SPATA22: variants seen among roughly 807,000 people sequenced by gnomAD.
The protein encoded by SPATA22 is spermatogenesis associated 22.
A neutral mutation model predicts 47.8 loss-of-function variants in SPATA22; 29 were observed. The observed-to-expected ratio is 0.61, with a 90% CI of 0.45 to 0.83. The LOEUF is 0.83. SPATA22 is among the 40% of genes least tolerant of loss of function. SPATA22 has a pLI of 0.00. For missense variants in SPATA22, 410 were observed against 421.7 expected (o/e 0.97, Z 0.24); for synonymous variants, 133 against 140.9 (o/e 0.94, Z 0.40).
Position 3,440,122 on chromosome 17 carries a change from A to AT in SPATA22, c.*24dup. 6.9e-7 allele frequency: 1 copy of AT among 1,453,108 alleles called. No individual in the cohort carries two copies. Among genetic ancestry groups the AT allele is most frequent in the Non-Finnish European group, 9.2e-7 (1 of 1,085,462 alleles). The allele number at this position is 1,453,108 out of a possible 1,614,324, so 90.0% of individuals were successfully genotyped here. ...CAATAACAGAAAACTGCTATAATTTATGCTAAACTTCCTTTTATCACTACT... is the reference window on the plus strand; with the variant it reads ...CAATAACAGAAAACTGCTATAATTTATTGCTAAACTTCCTTTTATCACTACT... On this transcript the variant is annotated 3_prime_UTR_variant, in exon 9 of 9. Transcript: ENST00000572969.
chr17:3,473,636 T>G (rs1170134811), upstream of SPATA22, among the ~76,000 whole-genome samples: 2 of 152,110 alleles, frequency 1.3e-5, no homozygotes, highest in Non-Finnish European at 2.9e-5. Flanking sequence ...GTAACTAGGA[T>G]TACAGGCACC....
intron 1 of SPATA22, among the ~76,000 whole-genome samples, chr17:3,482,366 A>C (rs906802613): frequency 5.3e-5 from 8 of 152,176 alleles, no homozygotes; most frequent in Admixed American, 5.2e-4. Context: ...AATCATTTTA[A>C]GGCTCAGAAA....
intron 1 of SPATA22, among the ~76,000 whole-genome samples, chr17:3,477,332 A>G (rs1456908610): frequency 6.6e-6 from 1 of 152,204 alleles, no homozygotes; most frequent in East Asian, 1.9e-4. Context: ...ATTGCATACA[A>G]CGTAAGCAGT....
chr17:3,458,124 G>A (rs1248417983), intron 5 of SPATA22, among the ~76,000 whole-genome samples: 6 of 152,028 alleles, frequency 3.9e-5, no homozygotes, highest in Admixed American at 3.9e-4. Context: ...ACAGAACTCA[G>A]TAACAAAAAA....
At chr17:3,456,597 A>G (rs924726524) in intron 5 of SPATA22, among the ~76,000 whole-genome samples, 6 of 152,342 alleles carry the variant, frequency 3.9e-5, no homozygotes, top group African/African-American at 1.4e-4. Flanking sequence ...AGATGGATTC[A>G]CAGCCGAATT....
chr17:3,493,367 C>T (rs1189498205), intron 1 of SPATA22, among the ~76,000 whole-genome samples: 1 of 152,002 alleles, frequency 6.6e-6, no homozygotes, highest in African/African-American at 2.4e-5. Flanking sequence ...TCGAGACCAT[C>T]CTGGCCAACA....
chr17:3,513,253 T>C (rs1316305416), intron 1 of SPATA22: 1 of 152,656 alleles, frequency 6.6e-6, no homozygotes, highest in East Asian at 1.9e-4. Flanking sequence ...TAAAACCCTG[T>C]GTTAATTCTG....
upstream of SPATA22, among the ~76,000 whole-genome samples, chr17:3,472,625 C>T (rs1204194881): frequency 6.6e-6 from 1 of 152,130 alleles, no homozygotes; most frequent in Non-Finnish European, 1.5e-5. Context: ...GCCATTTATC[C>T]GGAACTTACT....
At chr17:3,462,911 G>T (rs2073161557) in intron 3 of SPATA22, 144 bp from the exon 4 acceptor site, 2 of 645,338 alleles carry the variant, frequency 3.1e-6, no homozygotes, top group Non-Finnish European at 5.5e-6. Context: ...AGTACTTGTT[G>T]GAAAACCTGT....
chr17:3,509,754 ATTG>A (rs2074087397), intron 1 of SPATA22, among the ~76,000 whole-genome samples: 1 of 152,178 alleles, frequency 6.6e-6, no homozygotes, highest in Non-Finnish European at 1.5e-5. Flanking sequence ...GTCTTCCTCA[ATTG>A]TTGAACTAAT....
intron 1 of SPATA22, among the ~76,000 whole-genome samples, chr17:3,487,002 A>C (rs143161374): frequency 3.3e-5 from 5 of 152,206 alleles, no homozygotes; most frequent in East Asian, 1.9e-4. Context: ...TAATCTGAGA[A>C]AGTTAGGAGA....
intron 5 of SPATA22, among the ~76,000 whole-genome samples, chr17:3,460,250 G>T (rs940746418): frequency 6.6e-6 from 1 of 151,926 alleles, no homozygotes; most frequent in African/African-American, 2.4e-5. Flanking sequence ...TTTTCCCATG[G>T]ATAAAGACAT....
At chr17:3,453,369 G>A (rs188354290) in intron 5 of SPATA22, among the ~76,000 whole-genome samples, 141 of 152,032 alleles carry the variant, frequency 9.3e-4, no homozygotes, top group African/African-American at 3.3e-3. Context: ...TTTAACATAC[G>A]CAAATCAATC....
intron 1 of SPATA22, among the ~76,000 whole-genome samples, chr17:3,504,165 C>T (rs2074019889): frequency 6.6e-6 from 1 of 152,184 alleles, no homozygotes. Context: ...CTTCAAAATG[C>T]AACCCAACTT....
intron 8 of SPATA22, chr17:3,441,345 A>T (rs764593225): frequency 6.6e-6 from 1 of 152,010 alleles, no homozygotes; most frequent in Non-Finnish European, 1.5e-5. Flanking sequence ...GACAAATAAG[A>T]GAAGAAAACA....
At chr17:3,513,808 G>A in exon 1 of SPATA22, 2 of 921,838 alleles carry the variant, frequency 2.2e-6, no homozygotes, top group Non-Finnish European at 3.4e-6. Context: ...TCTGCTTCTA[G>A]GCCAGCAGAG....
At chr17:3,455,469 T>C (rs1310265786) in intron 5 of SPATA22, among the ~76,000 whole-genome samples, 1 of 148,138 alleles carries the variant, frequency 6.8e-6, no homozygotes, top group African/African-American at 2.5e-5. Context: ...AATTAATTTT[T>C]GTATAAGGTG....
chr17:3,465,301 G>A (rs2073272872), intron 3 of SPATA22, among the ~76,000 whole-genome samples: 1 of 151,766 alleles, frequency 6.6e-6, no homozygotes, highest in African/African-American at 2.4e-5. Flanking sequence ...ATTGAGAACG[G>A]GCCATGATGA....
intron 5 of SPATA22, among the ~76,000 whole-genome samples, chr17:3,450,935 C>T (rs1948171): frequency 0.23 from 35,641 of 152,014 alleles, 4,449 homozygotes; most frequent in East Asian, 0.43. Context: ...AGGGTTACTA[C>T]GAAACTTTGA....
Sources: gnomAD v4.1 joint callset for allele counts (sites outside exome capture counted in the v4.1 genomes callset) on GRCh38, gnomAD v4.1.1 for gene constraint, MANE v1.5 for transcripts, NCBI Gene and HGNC (gene_info 2026-07-23, HGNC 2026-07-21) for gene names.